The following MAP7D2 variants were observed in gnomAD, a reference collection of about 807,000 sequenced individuals.
The protein encoded by MAP7D2 is MAP7 domain-containing protein 2.
Under a neutral mutation model 63.5 loss-of-function variants are expected in MAP7D2, and 33 were observed. The observed-to-expected ratio is 0.52, with a 90% confidence interval of 0.39 to 0.70. The LOEUF is 0.70. Ranked by LOEUF, MAP7D2 falls within the 30% of genes least tolerant of loss-of-function variation. The pLI is 0.00. For synonymous variants in MAP7D2, 224 were observed against 223.7 expected (o/e 1.00, Z -0.01); for missense variants, 626 against 604.0 (o/e 1.04, Z -0.38).
chrX:20,077,439 T>C lies in MAP7D2; in HGVS notation c.131-12634A>G, dbSNP rs911158147. ...TTGCACTCCACCCTGGGCATCAGAA[T>C]AAGACTCTGTCTAAAAAAACAACAA... On this transcript the variant is annotated intron_variant, in intron 1 of 16. Coordinates refer to ENST00000379643, the MANE Select transcript of MAP7D2 (RefSeq NM_001168465.2). Among the ~76,000 whole-genome samples, 8 of 111,490 alleles carry C rather than the reference T, an allele frequency of 7.2e-5. No individual in the cohort carries two copies. In the East Asian group the frequency reaches 2.2e-3, roughly 31 times the overall value.
intron 1 of MAP7D2, among the ~76,000 whole-genome samples, chrX:20,067,949 C>T (rs778085893): frequency 8.9e-6 from 1 of 112,268 alleles, no homozygotes; most frequent in Admixed American, 9.4e-5. Context: ...TTCCTCCTCA[C>T]ACTAGTGGTT....
chrX:20,021,949 G>A (rs1261979902), intron 10 of MAP7D2, among the ~76,000 whole-genome samples: 1 of 111,818 alleles, frequency 8.9e-6, no homozygotes, highest in Non-Finnish European at 1.9e-5. Flanking sequence ...TACATTTACT[G>A]AGCGCCAGGC....
intron 1 of MAP7D2, among the ~76,000 whole-genome samples, chrX:20,110,562 T>C (rs1172646518): frequency 2.9e-5 from 3 of 102,968 alleles, no homozygotes; most frequent in Non-Finnish European, 3.9e-5. Context: ...CTTGGAGGGG[T>C]TGAGGTGGGA....
intron 1 of MAP7D2, among the ~76,000 whole-genome samples, chrX:20,074,410 T>G (rs1474426034): frequency 8.9e-6 from 1 of 112,165 alleles, no homozygotes; most frequent in Non-Finnish European, 1.9e-5. Context: ...TTTTCAATCT[T>G]GCAAGTGGAA....
intron 1 of MAP7D2, among the ~76,000 whole-genome samples, chrX:20,065,638 T>G (rs1207637869): frequency 9.0e-6 from 1 of 111,432 alleles, no homozygotes; most frequent in East Asian, 2.8e-4. Flanking sequence ...AAGTTCAATT[T>G]TGGTTCTGCC....
intron 1 of MAP7D2, among the ~76,000 whole-genome samples, chrX:20,068,817 G>A (rs904124533): frequency 4.5e-5 from 5 of 111,857 alleles, no homozygotes; most frequent in African/African-American, 1.6e-4. Context: ...TGTTGTGGGA[G>A]GGAACTGGTG....
chrX:20,027,612 T>C (rs1014862684), intron 8 of MAP7D2, among the ~76,000 whole-genome samples: 1 of 109,575 alleles, frequency 9.1e-6, no homozygotes, highest in African/African-American at 3.3e-5. Flanking sequence ...CCTTCAGACA[T>C]TGCTAAACGT....
At chrX:20,046,694 C>T (rs934377808) in intron 6 of MAP7D2, among the ~76,000 whole-genome samples, 10 of 112,504 alleles carry the variant, frequency 8.9e-5, no homozygotes, top group East Asian at 2.8e-4. Flanking sequence ...TAAAATGTTT[C>T]GAAAACTTAG....
chrX:20,018,595 G>A (rs1039255346), intron 10 of MAP7D2, among the ~76,000 whole-genome samples: 5 of 108,402 alleles, frequency 4.6e-5, no homozygotes, highest in South Asian at 4.1e-4. Context: ...GGCATGCGCC[G>A]CTATGCCCAG....
intron 1 of MAP7D2, among the ~76,000 whole-genome samples, chrX:20,071,714 C>A: frequency 8.9e-6 from 1 of 112,711 alleles, no homozygotes; most frequent in Non-Finnish European, 1.9e-5. Context: ...GACTGATCAC[C>A]TGCCACATTC....
In MAP7D2 at chrX:20,086,903, C is replaced by T. The variant is rs778435594; in HGVS notation, c.131-22098G>A. ...CAAGCAATTCTCCTGCCTCAGCCTC[C>T]CTAAATACTTTACATGTCTACACTT... is the stretch of plus-strand genomic sequence containing the variant. On this transcript the variant is annotated intron_variant, in intron 1 of 16. Transcript: ENST00000379643. Among the ~76,000 whole-genome samples, 294 of 111,602 alleles carry T rather than the reference C, an allele frequency of 2.6e-3. 4 individuals are homozygous for T. Among genetic ancestry groups the T allele is most frequent in the African/African-American group, 8.9e-3 (273 of 30,731 alleles).
At chrX:20,011,728 G>A (rs1017582187) in intron 15 of MAP7D2, among the ~76,000 whole-genome samples, 1 of 112,454 alleles carries the variant, frequency 8.9e-6, no homozygotes, top group Non-Finnish European at 1.9e-5. Flanking sequence ...TCTCTAAAGT[G>A]AGGCTTCCAA....
intron 8 of MAP7D2, among the ~76,000 whole-genome samples, chrX:20,039,703 G>A (rs773742444): frequency 4.3e-4 from 48 of 111,317 alleles, no homozygotes; most frequent in Non-Finnish European, 2.5e-4. Flanking sequence ...TCAGCTGCCA[G>A]CATGGCTAGG....
intron 1 of MAP7D2, among the ~76,000 whole-genome samples, chrX:20,077,719 T>C (rs1221828886): frequency 8.9e-6 from 1 of 112,103 alleles, no homozygotes; most frequent in Non-Finnish European, 1.9e-5. Flanking sequence ...CCTGGAAACC[T>C]CAATCAGGCT....
intron 8 of MAP7D2, among the ~76,000 whole-genome samples, chrX:20,039,083 T>C (rs1192798708): frequency 8.9e-6 from 1 of 112,321 alleles, no homozygotes; most frequent in Non-Finnish European, 1.9e-5. Context: ...ACAGAATGGG[T>C]AGTAGAAGAA....
intron 6 of MAP7D2, among the ~76,000 whole-genome samples, chrX:20,044,809 T>G (rs1335716303): frequency 9.9e-5 from 11 of 111,080 alleles, no homozygotes. Context: ...TTAACCTCTC[T>G]AAACATCGAT....
intron 1 of MAP7D2, among the ~76,000 whole-genome samples, chrX:20,108,868 G>A (rs745379047): frequency 4.5e-5 from 5 of 110,674 alleles, no homozygotes; most frequent in Admixed American, 3.9e-4. Flanking sequence ...ACCCAACACA[G>A]TGTCCTAAGG....
chrX:20,102,920 T>C (rs1423321022), intron 1 of MAP7D2, among the ~76,000 whole-genome samples: 1 of 111,337 alleles, frequency 9.0e-6, no homozygotes, highest in African/African-American at 3.3e-5. Context: ...TAAGATCACC[T>C]TGTGTACAAT....
At chrX:20,049,373 G>A (rs1171542470) in intron 6 of MAP7D2, among the ~76,000 whole-genome samples, 1 of 107,184 alleles carries the variant, frequency 9.3e-6, no homozygotes, top group African/African-American at 3.4e-5. Context: ...CTGGGCTCAA[G>A]TGATTCTCCT....
Sources: allele counts gnomAD v4.1 joint callset (sites outside exome capture counted in the v4.1 genomes callset), GRCh38; gene constraint gnomAD v4.1.1; transcripts MANE v1.5; gene names NCBI Gene and HGNC (gene_info 2026-07-23, HGNC 2026-07-21).